Variants in ZFHX3 observed in about 807,000 individuals in gnomAD.
The protein encoded by ZFHX3 is zinc finger homeobox 3, also known as zinc finger homeobox protein 3.
Under a neutral mutation model 279.1 loss-of-function variants are expected in ZFHX3, and 42 were observed. That is an observed-to-expected ratio of 0.15 (90% confidence interval 0.12 to 0.19). The LOEUF (loss-of-function observed/expected upper bound fraction) is 0.19, where lower values mean the gene tolerates loss of function less well. Ranked by LOEUF, ZFHX3 falls within the 10% of genes least tolerant of loss-of-function variation. ZFHX3 has a pLI of 1.00. For synonymous variants in ZFHX3, 2,293 were observed against 1,957.8 expected, an observed-to-expected ratio of 1.17 and a Z score of -4.52; for missense variants, 4,981 against 4,754.0, an observed-to-expected ratio of 1.05 and a Z score of -1.40.
chr16:73,376,790 G>T (rs928077770), intron 3 of ZFHX3, among the ~76,000 whole-genome samples: 43 of 152,148 alleles, frequency 2.8e-4, no homozygotes, highest in Middle Eastern at 3.2e-3. Context: ...ATGTCCTGCT[G>T]AGTAACTGAT....
rs1288235221 is a variant in ZFHX3, at chr16:73,140,270, G to A, written c.-1024+3482C>T. ...AGTGAAACCCTGTCTCAAAAAAAAG[G>A]TATAAAATAAAATGACCTTTTTAAT... On this transcript the variant is annotated intron_variant, in intron 6 of 17. Transcript: ENST00000641206. Among the ~76,000 whole-genome samples the A allele has an allele frequency of 1.3e-5, 2 of 152,032 alleles. 1 individual carries two copies. The highest frequency in any genetic ancestry group is 6.3e-3 in the Middle Eastern group (2 of 316).
intron 5 of ZFHX3, among the ~76,000 whole-genome samples, chr16:73,226,465 C>T (rs975158884): frequency 6.6e-6 from 1 of 152,230 alleles, no homozygotes; most frequent in Non-Finnish European, 1.5e-5. Flanking sequence ...TGAGCAAGTA[C>T]GGGCTCATGA....
At chr16:73,156,638 C>T (rs1967091473) in intron 5 of ZFHX3, among the ~76,000 whole-genome samples, 1 of 152,318 alleles carries the variant, frequency 6.6e-6, no homozygotes, top group African/African-American at 2.4e-5. Context: ...TCTCTGCAGC[C>T]TCGACCTCCT....
intron 1 of ZFHX3, among the ~76,000 whole-genome samples, chr16:73,859,007 G>T (rs1305706057): frequency 1.3e-5 from 2 of 152,114 alleles, no homozygotes; most frequent in African/African-American, 4.8e-5. Flanking sequence ...ACAAAACAAA[G>T]CAATACCTAA....
chr16:73,309,854 T>C (rs941469135), intron 4 of ZFHX3, among the ~76,000 whole-genome samples: 5 of 151,874 alleles, frequency 3.3e-5, no homozygotes, highest in African/African-American at 1.2e-4. Context: ...TAGTTAAAAT[T>C]CTGTAAAACT....
chr16:73,052,161 A>G (rs2144728259), upstream of ZFHX3, among the ~76,000 whole-genome samples: 1 of 152,202 alleles, frequency 6.6e-6, no homozygotes, highest in Admixed American at 6.5e-5. Flanking sequence ...AAAGGGAAAC[A>G]GAAGAGGAAA....
At chr16:73,123,004 C>T (rs1966518814) in intron 7 of ZFHX3, among the ~76,000 whole-genome samples, 1 of 151,826 alleles carries the variant, frequency 6.6e-6, no homozygotes, top group Non-Finnish European at 1.5e-5. Context: ...AAGAGACTGC[C>T]CTTTCAGAAT....
chr16:73,434,257 G>A (rs1436740743), intron 3 of ZFHX3, among the ~76,000 whole-genome samples: 3 of 152,078 alleles, frequency 2.0e-5, no homozygotes, highest in Admixed American at 6.5e-5. Context: ...TACACTTCTC[G>A]TGCCCCACTC....
intron 1 of ZFHX3, among the ~76,000 whole-genome samples, chr16:73,834,888 C>CAA (rs57435103): frequency 7.1e-6 from 1 of 139,950 alleles, no homozygotes; most frequent in African/African-American, 2.6e-5. Flanking sequence ...GACTTCGTCT[C>CAA]AAAAAAAAAA....
chr16:73,492,591 T>C (rs551401755), intron 2 of ZFHX3, among the ~76,000 whole-genome samples: 1 of 152,238 alleles, frequency 6.6e-6, no homozygotes, highest in East Asian at 1.9e-4. Flanking sequence ...CCTTAACCTC[T>C]TGAAACCACA....
intron 1 of ZFHX3, among the ~76,000 whole-genome samples, chr16:73,025,991 C>T (rs977459812): frequency 2.0e-5 from 3 of 151,980 alleles, no homozygotes; most frequent in African/African-American, 7.3e-5. Flanking sequence ...ACCTCTCACG[C>T]CAGATTCGAT....
chr16:73,204,794 C>A (rs906951750), intron 5 of ZFHX3, among the ~76,000 whole-genome samples: 11 of 152,194 alleles, frequency 7.2e-5, no homozygotes, highest in African/African-American at 4.8e-5. Context: ...GCTAGTTGAA[C>A]CTTCACAATA....
chr16:73,277,634 A>G (rs2014334115), intron 4 of ZFHX3, among the ~76,000 whole-genome samples: 1 of 152,204 alleles, frequency 6.6e-6, no homozygotes, highest in African/African-American at 2.4e-5. Flanking sequence ...TGGGGAATTC[A>G]TCGCTGAATA....
intron 3 of ZFHX3, among the ~76,000 whole-genome samples, chr16:73,322,635 G>A (rs2015599092): frequency 3.9e-5 from 6 of 152,170 alleles, no homozygotes; most frequent in Admixed American, 3.9e-4. Flanking sequence ...AGAAAACACT[G>A]AACTCCAAAT....
At chr16:73,514,559 T>C (rs1187982563) in intron 2 of ZFHX3, among the ~76,000 whole-genome samples, 1 of 152,204 alleles carries the variant, frequency 6.6e-6, no homozygotes, top group African/African-American at 2.4e-5. Context: ...CCAATACTGA[T>C]ATTAGTTACT....
chr16:73,144,097 T>C (rs926355019), intron 5 of ZFHX3, among the ~76,000 whole-genome samples: 1 of 152,064 alleles, frequency 6.6e-6, no homozygotes, highest in African/African-American at 2.4e-5. Context: ...AAAATGAAAC[T>C]CAGGGCAGCC....
Position 72,844,607 on chromosome 16 carries a change from T to C in ZFHX3, c.3449-14748A>G, listed in dbSNP as rs201491643. ...TGGGTGTCCCTTTGCTGTAAACAAC[T>C]AATAATGACTGACCTCAGATGCTCT... On this transcript the variant is annotated intron_variant, in intron 4 of 9. Coordinates refer to ENST00000268489, the MANE Select transcript of ZFHX3 (RefSeq NM_006885.4). Among the ~76,000 whole-genome samples, 26 of 152,232 alleles carry C rather than the reference T, an allele frequency of 1.7e-4. No individual in the cohort carries two copies. In the East Asian group the frequency reaches 2.1e-3, roughly 12 times the overall value.
chr16:73,428,507 CCCAGCCA>C (rs1414232514), intron 3 of ZFHX3, among the ~76,000 whole-genome samples: 2 of 152,136 alleles, frequency 1.3e-5, no homozygotes, highest in Admixed American at 1.3e-4. Context: ...TGCATTTGCC[CCCAGCCA>C]CCAGCCACCA....
intron 4 of ZFHX3, 110 bp from the exon 5 acceptor site, chr16:72,829,969 C>G (rs2037025510): frequency 8.9e-7 from 1 of 1,126,718 alleles, no homozygotes; most frequent in Non-Finnish European, 1.3e-6. Flanking sequence ...AATGACTCGT[C>G]CCCCTTCTCT....
Sources: gnomAD v4.1 joint callset for allele counts (sites outside exome capture counted in the v4.1 genomes callset) on GRCh38, gnomAD v4.1.1 for gene constraint, MANE v1.5 for transcripts, NCBI Gene and HGNC (gene_info 2026-07-23, HGNC 2026-07-21) for gene names.